RCC2: variants seen among roughly 807,000 people sequenced by gnomAD.
RCC2 encodes the protein protein RCC2.
RCC2 carries 19 observed loss-of-function variants against 64.1 expected under a neutral mutation model. That is an observed-to-expected ratio of 0.30 (90% CI 0.21 to 0.44). The LOEUF (loss-of-function observed/expected upper bound fraction) is 0.44. RCC2 is among the 20% of genes least tolerant of loss of function. RCC2 has a pLI of 1.00. For missense variants in RCC2, 508 were observed against 710.4 expected (o/e 0.72, Z 3.24); for synonymous variants, 325 against 279.6 (o/e 1.16, Z -1.62).
At chr1:17,414,050 GA>G (rs1484586927) in intron 8 of RCC2, among the ~76,000 whole-genome samples, 1 of 152,332 alleles carries the variant, frequency 6.6e-6, no homozygotes, top group South Asian at 2.1e-4. Flanking sequence ...GAGGCAACAG[GA>G]GCAAGTGTAG....
At chr1:17,418,181 G>A (rs1281779558) in intron 7 of RCC2, among the ~76,000 whole-genome samples, 4 of 151,090 alleles carry the variant, frequency 2.6e-5, no homozygotes, top group Admixed American at 6.6e-5. Flanking sequence ...TTTACAGGGC[G>A]CCTTATAACA....
rs571281712 is a variant in RCC2 at position 17,409,496 on chromosome 1, C to G, written c.1465-302G>C. ...CTCCAGCTCCACTTCCATCCCCCCC[C>G]TCTCTGGCTCACAATCCTGCCTGGG... On this transcript the variant is annotated intron_variant, in intron 12 of 12. Coordinates refer to ENST00000375436, the MANE Select transcript of RCC2 (RefSeq NM_018715.4). 6.6e-5 allele frequency among the ~76,000 whole-genome samples: 10 copies of G among 152,306 alleles called. No homozygotes were observed. In the South Asian group the frequency reaches 8.3e-4, roughly 13 times the overall value.
chr1:17,436,251 A>G (rs575105539), intron 2 of RCC2, among the ~76,000 whole-genome samples: 2 of 152,288 alleles, frequency 1.3e-5, no homozygotes, highest in Non-Finnish European at 2.9e-5. Flanking sequence ...CTGTCATCCC[A>G]GCACTTTGGA....
chr1:17,437,643 C>T (rs1443423308), intron 2 of RCC2, among the ~76,000 whole-genome samples: 1 of 152,006 alleles, frequency 6.6e-6, no homozygotes, highest in Non-Finnish European at 1.5e-5. Flanking sequence ...AGCCGGGGGG[C>T]TTCCCCGACC....
At chr1:17,433,308 G>GT (rs2075702824) in intron 2 of RCC2, among the ~76,000 whole-genome samples, 1 of 152,238 alleles carries the variant, frequency 6.6e-6, no homozygotes, top group Non-Finnish European at 1.5e-5. Flanking sequence ...TTTAAATAGA[G>GT]TAACAGAGAA....
intron 3 of RCC2, among the ~76,000 whole-genome samples, chr1:17,427,256 CCTCAGCA>C (rs987048017): frequency 1.3e-5 from 2 of 152,184 alleles, no homozygotes; most frequent in African/African-American, 4.8e-5. Context: ...CACCCTCCGC[CCTCAGCA>C]GAGGGCACCA....
intron 7 of RCC2, among the ~76,000 whole-genome samples, chr1:17,417,058 C>T (rs1410295753): frequency 6.6e-6 from 1 of 152,152 alleles, no homozygotes; most frequent in Non-Finnish European, 1.5e-5. Flanking sequence ...AAGATCTCTA[C>T]CCCACTGGAG....
rs1467061503 is a variant in RCC2, at chr1:17,438,624, C to T, written c.-8-102G>A. 1.0e-5 allele frequency: 12 copies of T among 1,164,264 alleles called. No homozygotes were observed. The African/African-American group carries it at 1.3e-4, about 12-fold the overall frequency. The allele number at this position is 1,164,264 out of a possible 1,614,324, so 72.1% of individuals were successfully genotyped here. ...CACCCGGCCTCCACTTCCTCCTCTG[C>T]CCTCCCCAAAGTGGCGGCCGCAGGG... On this transcript the variant is annotated intron_variant, in intron 1 of 12. Transcript: ENST00000375436.
intron 4 of RCC2, 93 bp downstream of exon 4, chr1:17,425,448 G>A (rs934107153): frequency 8.4e-6 from 11 of 1,303,092 alleles, no homozygotes; most frequent in African/African-American, 1.5e-5. Context: ...CTTATAAGAC[G>A]CGAGTCTCTT....
At chr1:17,439,205 T>G (rs2075779200) in intron 1 of RCC2, among the ~76,000 whole-genome samples, 1 of 151,814 alleles carries the variant, frequency 6.6e-6, no homozygotes, top group African/African-American at 2.4e-5. Flanking sequence ...AATAAAAACT[T>G]TAATGGTGCC....
At chr1:17,414,910 G>A (rs2075466903) in intron 8 of RCC2, among the ~76,000 whole-genome samples, 1 of 152,126 alleles carries the variant, frequency 6.6e-6, no homozygotes, top group Non-Finnish European at 1.5e-5. Context: ...ATGAACCACT[G>A]CGCCCGGCCT....
In RCC2 at chr1:17,438,367, TGCC is replaced by T. The variant is rs1399593075; in HGVS notation, c.145_147del (p.Gly49del). On this transcript the variant is annotated inframe_deletion, in exon 2 of 13. Transcript: ENST00000375436. The stretch of plus-strand genomic sequence containing the variant: ...TCCAGGCCGTCCTCGTCGCCGCTGC[TGCC>T]GCCGCCGCTGCTGCTACTGCAGCGC... 4 of 1,242,288 alleles carry T rather than the reference TGCC, an allele frequency of 3.2e-6. No homozygotes were observed. Among genetic ancestry groups the T allele is most frequent in the Non-Finnish European group, 4.0e-6 (4 of 996,216 alleles). 77.0% of individuals were successfully genotyped at this position (1,242,288 alleles called of 1,614,324 possible). A position where few individuals can be genotyped will look rare whatever the true frequency, so the allele number is the denominator to read the frequency against.
At chr1:17,434,265 G>A (rs2075713861) in intron 2 of RCC2, among the ~76,000 whole-genome samples, 1 of 152,188 alleles carries the variant, frequency 6.6e-6, no homozygotes, top group South Asian at 2.1e-4. Context: ...GGGAGCCTAG[G>A]GACTTTCAGC....
intron 2 of RCC2, 66 bp downstream of exon 2, chr1:17,438,164 G>T (rs1384564998): frequency 1.2e-5 from 13 of 1,091,352 alleles, no homozygotes; most frequent in Non-Finnish European, 1.5e-5. Context: ...AACGCGCGCC[G>T]TGCCGCGTCG....
chr1:17,431,082 C>G (rs1032367509), intron 2 of RCC2, among the ~76,000 whole-genome samples: 12 of 151,124 alleles, frequency 7.9e-5, no homozygotes, highest in African/African-American at 2.7e-4. Context: ...CCTGTAATCC[C>G]AGCACTTTGG....
At chr1:17,414,070 C>T (rs893172542) in intron 8 of RCC2, among the ~76,000 whole-genome samples, 1 of 152,242 alleles carries the variant, frequency 6.6e-6, no homozygotes, top group African/African-American at 2.4e-5. Flanking sequence ...AGCAAAATGG[C>T]ATGCATTCAA....
chr1:17,435,790 CGT>C lies in RCC2; in HGVS notation c.285+2438_285+2439del, dbSNP rs1187265001. 3.3e-5 allele frequency among the ~76,000 whole-genome samples: 5 copies of C among 152,042 alleles called. No homozygotes were observed. In the East Asian group the frequency reaches 9.7e-4, roughly 29 times the overall value. ...AAAATTAGCCAGGTGTGGTGGTGGG[CGT>C]CTATAATCCCAGCTACTCGGGAGGC... On this transcript the variant is annotated intron_variant, in intron 2 of 12. Coordinates refer to ENST00000375436, the MANE Select transcript of RCC2 (RefSeq NM_018715.4).
At chr1:17,432,488 TG>T (rs1379798909) in intron 2 of RCC2, among the ~76,000 whole-genome samples, 1 of 152,232 alleles carries the variant, frequency 6.6e-6, no homozygotes, top group Non-Finnish European at 1.5e-5. Flanking sequence ...TGCCAGCAAC[TG>T]CAGACCAGGC....
intron 11 of RCC2, 49 bp downstream of exon 11, chr1:17,412,073 C>A: frequency 6.4e-7 from 1 of 1,550,694 alleles, no homozygotes; most frequent in Non-Finnish European, 8.9e-7. Context: ...GGCCATGAGC[C>A]ACCCTGACTG....
Sources: allele counts gnomAD v4.1 joint callset (sites outside exome capture counted in the v4.1 genomes callset), GRCh38; gene constraint gnomAD v4.1.1; transcripts MANE v1.5; gene names NCBI Gene and HGNC (gene_info 2026-07-23, HGNC 2026-07-21).